HIVEP3: variants seen among roughly 807,000 people sequenced by gnomAD.
HIVEP3 encodes HIVEP zinc finger 3, also known as transcription factor HIVEP3.
HIVEP3 carries 49 observed loss-of-function variants against 152.8 expected under a neutral mutation model. The observed-to-expected ratio is 0.32, with a 90% CI of 0.26 to 0.41. The LOEUF is 0.41. Ranked by LOEUF, HIVEP3 falls within the 10% of genes least tolerant of loss-of-function variation. The pLI, the probability that HIVEP3 is intolerant of heterozygous loss-of-function variation, is 1.00. For synonymous variants in HIVEP3, 1,269 were observed against 1,289.0 expected, an observed-to-expected ratio of 0.98 and a Z score of 0.33; for missense variants, 2,790 against 3,103.3, an observed-to-expected ratio of 0.90 and a Z score of 2.40.
intron 1 of HIVEP3, among the ~76,000 whole-genome samples, chr1:41,984,601 A>T (rs902149147): frequency 6.6e-6 from 1 of 152,218 alleles, no homozygotes; most frequent in Non-Finnish European, 1.5e-5. Context: ...GCCAGAGAGA[A>T]GGGATCGAAC....
intron 1 of HIVEP3, among the ~76,000 whole-genome samples, chr1:41,781,329 C>T (rs1190180366): frequency 6.6e-6 from 1 of 152,198 alleles, no homozygotes; most frequent in South Asian, 2.1e-4. Flanking sequence ...GCTCCTCCCT[C>T]CTGCTCATTC....
At chr1:41,753,169 G>C (rs1329519025) in intron 1 of HIVEP3, among the ~76,000 whole-genome samples, 1 of 152,154 alleles carries the variant, frequency 6.6e-6, no homozygotes, top group African/African-American at 2.4e-5. Flanking sequence ...TAGGGAAAAA[G>C]ACACAGTCAC....
At chr1:41,750,532 C>A (rs1399543843) in intron 1 of HIVEP3, among the ~76,000 whole-genome samples, 1 of 152,146 alleles carries the variant, frequency 6.6e-6, no homozygotes, top group Non-Finnish European at 1.5e-5. Flanking sequence ...TTTCCAGGTT[C>A]CAAGGCGAGG....
At chr1:41,760,118 C>T (rs1007254949) in intron 1 of HIVEP3, among the ~76,000 whole-genome samples, 13 of 152,242 alleles carry the variant, frequency 8.5e-5, no homozygotes, top group African/African-American at 3.1e-4. Context: ...GGCTGCAGTA[C>T]CCCATGATCA....
chr1:41,531,501 A>G (rs1339110075), intron 5 of HIVEP3, among the ~76,000 whole-genome samples: 23 of 71,266 alleles, frequency 3.2e-4, no homozygotes, highest in Admixed American at 4.2e-4. Flanking sequence ...GAGAGATGGA[A>G]GACAGGGGCG....
At chr1:41,695,516 C>A (rs1020140606) in intron 2 of HIVEP3, among the ~76,000 whole-genome samples, 2 of 152,182 alleles carry the variant, frequency 1.3e-5, no homozygotes, top group African/African-American at 4.8e-5. Context: ...AGCCTACAAG[C>A]CTCCTGCTTC....
chr1:41,917,999 C>A (rs34538877), intron 1 of HIVEP3, among the ~76,000 whole-genome samples: 1 of 150,764 alleles, frequency 6.6e-6, no homozygotes, highest in African/African-American at 2.4e-5. Context: ...GATGCCTAAG[C>A]CCCCCAGCCG....
chr1:41,894,518 G>A (rs1055430608), intron 1 of HIVEP3, among the ~76,000 whole-genome samples: 11 of 152,104 alleles, frequency 7.2e-5, no homozygotes, highest in African/African-American at 2.4e-4. Context: ...CTTGAACACT[G>A]AGACCAAGGA....
chr1:41,538,944 G>A (rs1643464911), intron 5 of HIVEP3, among the ~76,000 whole-genome samples: 1 of 152,162 alleles, frequency 6.6e-6, no homozygotes, highest in South Asian at 2.1e-4. Flanking sequence ...ATGGGGGTGG[G>A]GAAGCCGAGC....
intron 1 of HIVEP3, among the ~76,000 whole-genome samples, chr1:41,965,133 T>C (rs1313700510): frequency 6.6e-6 from 1 of 152,096 alleles, no homozygotes; most frequent in East Asian, 1.9e-4. Context: ...GAATAGGGTC[T>C]AGAGTGGACC....
At chr1:41,760,780 C>G (rs914965045) in intron 1 of HIVEP3, among the ~76,000 whole-genome samples, 1 of 152,166 alleles carries the variant, frequency 6.6e-6, no homozygotes, top group East Asian at 1.9e-4. Context: ...TGAGAGGTCA[C>G]TTCAGGATCT....
chr1:41,696,401 A>G (rs1276488203), intron 2 of HIVEP3, among the ~76,000 whole-genome samples: 4 of 152,284 alleles, frequency 2.6e-5, no homozygotes, highest in Non-Finnish European at 5.9e-5. Context: ...CTCTAAGAGC[A>G]CAGTGCTGGC....
intron 2 of HIVEP3, among the ~76,000 whole-genome samples, chr1:41,649,230 CA>C (rs1558147390): frequency 3.3e-5 from 5 of 152,184 alleles, no homozygotes; most frequent in African/African-American, 1.2e-4. Context: ...AAATGTCTCC[CA>C]TAAGGGGTTG....
In HIVEP3 at chr1:42,015,012, G is replaced by A. The variant is rs1645513719; in HGVS notation, n.119+20795C>T. 2.6e-5 allele frequency among the ~76,000 whole-genome samples: 4 copies of A among 152,252 alleles called. No individual in the cohort carries two copies. In the South Asian group the frequency reaches 8.3e-4, roughly 32 times the overall value. On this transcript the variant is annotated intron_variant and non_coding_transcript_variant, in intron 1 of 3. Transcript: ENST00000489103. The stretch of plus-strand genomic sequence containing the variant: ...TGTCAGGCCTGTTTTGGCCTCCAGA[G>A]GTCCGTGCTGCTGGTGGTCAGCAGC...
intron 5 of HIVEP3, among the ~76,000 whole-genome samples, chr1:41,549,607 C>T (rs1476764902): frequency 6.6e-6 from 1 of 152,226 alleles, no homozygotes; most frequent in African/African-American, 2.4e-5. Context: ...TTTTGATTTG[C>T]ATTTCTCTGA....
At chr1:41,641,417 C>T (rs531805559) in intron 2 of HIVEP3, among the ~76,000 whole-genome samples, 42 of 152,332 alleles carry the variant, frequency 2.8e-4, no homozygotes, top group African/African-American at 9.4e-4. Flanking sequence ...AGATCTCAAC[C>T]TGCCCCACTC....
intron 1 of HIVEP3, among the ~76,000 whole-genome samples, chr1:41,803,658 A>AGTGAAGT (rs1650431915): frequency 6.6e-6 from 1 of 152,146 alleles, no homozygotes; most frequent in African/African-American, 2.4e-5. Flanking sequence ...CATTCCCTCC[A>AGTGAAGT]CGTGAAGCTG....
chr1:41,593,785 CTT>C (rs951272302), intron 3 of HIVEP3, among the ~76,000 whole-genome samples: 2 of 152,252 alleles, frequency 1.3e-5, no homozygotes, highest in African/African-American at 4.8e-5. Context: ...AATTTACTAT[CTT>C]ATAGTTCGAG....
At chr1:41,700,660 G>T (rs559065064) in intron 2 of HIVEP3, among the ~76,000 whole-genome samples, 1 of 152,342 alleles carries the variant, frequency 6.6e-6, no homozygotes, top group South Asian at 2.1e-4. Context: ...GGCAGGCCTG[G>T]GGTCAGAAGC....
Sources: gnomAD v4.1 joint callset for allele counts (sites outside exome capture counted in the v4.1 genomes callset) on GRCh38, gnomAD v4.1.1 for gene constraint, MANE v1.5 for transcripts, NCBI Gene and HGNC (gene_info 2026-07-23, HGNC 2026-07-21) for gene names.